Variants in RANBP2 observed in about 807,000 individuals in gnomAD.
RANBP2 encodes the protein RAN binding protein 2.
RANBP2 carries 57 observed loss-of-function variants against 303.6 expected under a neutral mutation model. The ratio of observed to expected loss-of-function variants is 0.19; its 90% confidence interval spans 0.15 to 0.23. The LOEUF (loss-of-function observed/expected upper bound fraction) is 0.23, where lower values mean the gene tolerates loss of function less well. RANBP2 is among the 10% of genes least tolerant of loss of function. RANBP2 has a pLI of 1.00. For missense variants in RANBP2, 3,138 were observed against 3,780.8 expected (o/e 0.83, Z 4.46); for synonymous variants, 1,167 against 1,301.5 (o/e 0.90, Z 2.23).
chr2:109,225,233 A>G, the RANBP2 span, among the ~76,000 whole-genome samples: 2 of 152,190 alleles, frequency 1.3e-5, no homozygotes, highest in East Asian at 3.8e-4. Context: ...GAAGAGCTCT[A>G]TTTTAATAAC....
chr2:109,508,988 A>G, the RANBP2 span, among the ~76,000 whole-genome samples: 1 of 152,218 alleles, frequency 6.6e-6, no homozygotes, highest in Non-Finnish European at 1.5e-5. Flanking sequence ...TGGCAAGAAT[A>G]CACAACACCA....
the RANBP2 span, among the ~76,000 whole-genome samples, chr2:109,262,354 C>T: frequency 2.6e-5 from 4 of 152,148 alleles, no homozygotes; most frequent in Admixed American, 2.6e-4. Flanking sequence ...TTTCACTGTA[C>T]CTGGGGGCAG....
chr2:109,202,409 A>G, the RANBP2 span, among the ~76,000 whole-genome samples: 63,192 of 152,044 alleles, frequency 0.42, 15,412 homozygotes, highest in Non-Finnish European at 0.56. Context: ...GCCCGAACTT[A>G]ATTGTACTTT....
chr2:109,719,899 C>A, the RANBP2 span, among the ~76,000 whole-genome samples: 1 of 152,152 alleles, frequency 6.6e-6, no homozygotes, highest in Admixed American at 6.5e-5. Context: ...TCATTTATTT[C>A]TCTTCCTTGA....
At chr2:109,107,807 C>A in the RANBP2 span, among the ~76,000 whole-genome samples, 1 of 152,226 alleles carries the variant, frequency 6.6e-6, no homozygotes, top group Admixed American at 6.5e-5. Context: ...GCAATCTCAG[C>A]TCACTGCAAC....
chr2:108,832,706 G>T, the RANBP2 span, among the ~76,000 whole-genome samples: 1 of 152,196 alleles, frequency 6.6e-6, no homozygotes, highest in Non-Finnish European at 1.5e-5. Flanking sequence ...AAGCCTTGTA[G>T]AAGTGACTGC....
At chr2:109,199,627 T>TC in the RANBP2 span, among the ~76,000 whole-genome samples, 6 of 94 alleles carry the variant, frequency 0.064, 1 homozygote, top group Non-Finnish European at 0.14. Context: ...TGGAATGGAA[T>TC]GGAATGGAAT....
the RANBP2 span, among the ~76,000 whole-genome samples, chr2:108,978,218 CTCA>C: frequency 6.6e-6 from 1 of 152,174 alleles, no homozygotes; most frequent in African/African-American, 2.4e-5. Flanking sequence ...CTTTTAGGAA[CTCA>C]TCATTGGTCT....
chr2:109,382,893 C>T, the RANBP2 span, among the ~76,000 whole-genome samples: 1 of 152,214 alleles, frequency 6.6e-6, no homozygotes, highest in African/African-American at 2.4e-5. Flanking sequence ...CTTCTCCTCC[C>T]ACCATCTCAT....
At chr2:109,100,674 G>A in the RANBP2 span, among the ~76,000 whole-genome samples, 1 of 152,150 alleles carries the variant, frequency 6.6e-6, no homozygotes, top group Non-Finnish European at 1.5e-5. Flanking sequence ...GTCTCTAGGG[G>A]AGAGGAAGGA....
At chr2:109,728,118 T>C in the RANBP2 span, among the ~76,000 whole-genome samples, 1 of 152,284 alleles carries the variant, frequency 6.6e-6, no homozygotes, top group African/African-American at 2.4e-5. Context: ...GGAAGCCCAA[T>C]AGCCTGTAGA....
At chr2:109,392,117 A>C in the RANBP2 span, among the ~76,000 whole-genome samples, 1 of 152,182 alleles carries the variant, frequency 6.6e-6, no homozygotes, top group Non-Finnish European at 1.5e-5. Flanking sequence ...TGCCTAGCCC[A>C]AAAAGGCCTG....
chr2:109,306,605 G>A, the RANBP2 span, among the ~76,000 whole-genome samples: 5 of 152,182 alleles, frequency 3.3e-5, no homozygotes, highest in Admixed American at 6.5e-5. Flanking sequence ...TGCCATGGCC[G>A]CAACCCACTG....
At chr2:109,363,463 A>G in the RANBP2 span, among the ~76,000 whole-genome samples, 4 of 152,368 alleles carry the variant, frequency 2.6e-5, no homozygotes, top group East Asian at 7.7e-4. Context: ...AAATGATCAA[A>G]TACATTGTTT....
At chr2:109,047,486 G>A in the RANBP2 span, among the ~76,000 whole-genome samples, 7 of 152,122 alleles carry the variant, frequency 4.6e-5, no homozygotes, top group African/African-American at 1.7e-4. Context: ...AGAAACTGAG[G>A]GCTCAAAGAA....
chr2:108,986,214 A>G, the RANBP2 span, among the ~76,000 whole-genome samples: 1 of 152,122 alleles, frequency 6.6e-6, no homozygotes, highest in Admixed American at 6.6e-5. Flanking sequence ...ACAATGGCCT[A>G]TATTTGACAG....
chr2:108,762,798 CCAT>C (rs112880794), intron 19 of RANBP2, among the ~76,000 whole-genome samples: 7,458 of 151,248 alleles, frequency 0.049, 238 homozygotes, highest in South Asian at 0.14. Context: ...ATAAATGTTA[CCAT>C]CATCATCATC....
the RANBP2 span, among the ~76,000 whole-genome samples, chr2:109,057,423 G>A: frequency 3.3e-5 from 5 of 152,174 alleles, no homozygotes; most frequent in Admixed American, 3.3e-4. Flanking sequence ...CCTTGACTCT[G>A]ACATTTACGG....
At chr2:109,160,400 A>G in the RANBP2 span, among the ~76,000 whole-genome samples, 2 of 152,352 alleles carry the variant, frequency 1.3e-5, no homozygotes, top group South Asian at 4.1e-4. Context: ...AAAGTTGGAA[A>G]TGGAAATGAA....
Sources: allele counts gnomAD v4.1 joint callset (sites outside exome capture counted in the v4.1 genomes callset), GRCh38; gene constraint gnomAD v4.1.1; transcripts MANE v1.5; gene names NCBI Gene and HGNC (gene_info 2026-07-23, HGNC 2026-07-21).